CCDC88C: variants seen among roughly 807,000 people sequenced by gnomAD.
The protein encoded by CCDC88C is protein Daple.
Under a neutral mutation model 198.8 loss-of-function variants are expected in CCDC88C, and 131 were observed. The observed-to-expected ratio is 0.66, with a 90% CI of 0.57 to 0.76. The LOEUF (loss-of-function observed/expected upper bound fraction) is 0.76. Among genes scored for constraint, CCDC88C ranks in the 30% least tolerant of loss-of-function variants. CCDC88C has a pLI of 0.00. For synonymous variants in CCDC88C, 1,166 were observed against 1,114.7 expected, an observed-to-expected ratio of 1.05 and a Z score of -0.92; for missense variants, 2,553 against 2,631.6, an observed-to-expected ratio of 0.97 and a Z score of 0.65.
At position 91,284,951 on chromosome 14, in the gene CCDC88C, G is replaced by A. The variant is rs1890341558; in HGVS notation, c.4442-1434C>T. On this transcript the variant is annotated intron_variant, in intron 25 of 29. Transcript: ENST00000389857. The surrounding 1 kb of genome is among the most constrained non-coding windows in gnomAD (Gnocchi z 4.1). Reference sequence around the variant, plus strand: ...TCCATAGGTAATGGCCTAGCTGGCCGGCTGGCATTTTCCCTTGCTCGAGGC... The same window carrying A: ...TCCATAGGTAATGGCCTAGCTGGCCAGCTGGCATTTTCCCTTGCTCGAGGC... Among the ~76,000 whole-genome samples the A allele has an allele frequency of 1.3e-5, 2 of 152,276 alleles. No individual in the cohort carries two copies. The highest frequency in any genetic ancestry group is 1.9e-4 in the East Asian group (1 of 5,184).
intron 3 of CCDC88C, among the ~76,000 whole-genome samples, chr14:91,370,142 G>A (rs1894725279): frequency 6.6e-6 from 1 of 152,200 alleles, no homozygotes; most frequent in Non-Finnish European, 1.5e-5. Flanking sequence ...TCCTGCCTCT[G>A]CCTGTAACCT....
rs563863603 is a variant in CCDC88C at position 91,338,743 on chromosome 14, T to A, written c.810-173A>T. 1.1e-3 allele frequency: 667 copies of A among 599,994 alleles called. 9 individuals are homozygous for A. The highest frequency in any genetic ancestry group is 6.0e-3 in the South Asian group (300 of 50,262). 37.2% of individuals were successfully genotyped at this position (599,994 alleles called of 1,614,324 possible). ...AAAAATGTTACTGACTCAAAATTCT[T>A]TTCTTTTCATAAGTTTGCAACACCG... On this transcript the variant is annotated intron_variant, in intron 8 of 29. Coordinates refer to ENST00000389857, the MANE Select transcript of CCDC88C (RefSeq NM_001080414.4). This position sits in a 1 kb window ranked among gnomAD's most constrained non-coding sequence, Gnocchi z 4.8.
chr14:91,327,902 A>C (rs1892645085), intron 10 of CCDC88C, among the ~76,000 whole-genome samples: 1 of 152,140 alleles, frequency 6.6e-6, no homozygotes, highest in African/African-American at 2.4e-5. Flanking sequence ...ACCCAGCTGG[A>C]GTTGTCCCCT....
At chr14:91,335,733 T>A (rs548603903) in intron 10 of CCDC88C, among the ~76,000 whole-genome samples, 70 of 152,236 alleles carry the variant, frequency 4.6e-4, no homozygotes, top group East Asian at 2.3e-3. Flanking sequence ...TCACTCACAA[T>A]CGGAAAGGTT....
intron 2 of CCDC88C, 37 bp downstream of exon 2, chr14:91,416,701 A>C: frequency 2.1e-6 from 3 of 1,453,558 alleles, no homozygotes; most frequent in South Asian, 1.2e-5. Context: ...TTTCTAACGC[A>C]CCATTCTTTC....
intron 3 of CCDC88C, among the ~76,000 whole-genome samples, chr14:91,391,028 G>A (rs1209809517): frequency 2.0e-5 from 3 of 152,178 alleles, no homozygotes; most frequent in Non-Finnish European, 4.4e-5. Context: ...AAATGGGAAG[G>A]AAGTAAGGAT....
At chr14:91,412,535 T>G (rs905805126) in intron 2 of CCDC88C, among the ~76,000 whole-genome samples, 6 of 152,156 alleles carry the variant, frequency 3.9e-5, no homozygotes, top group Non-Finnish European at 8.8e-5. Flanking sequence ...CCCGGGTTCA[T>G]GCCATTCTCC....
At chr14:91,299,453 C>A (rs1311025601) in intron 21 of CCDC88C, among the ~76,000 whole-genome samples, 1 of 152,238 alleles carries the variant, frequency 6.6e-6, no homozygotes, top group East Asian at 1.9e-4. Flanking sequence ...GTGCCCTCAG[C>A]TGGGAAGGTG....
chr14:91,282,162 T>C (rs1430228999), intron 26 of CCDC88C, among the ~76,000 whole-genome samples: 1 of 152,184 alleles, frequency 6.6e-6, no homozygotes, highest in Non-Finnish European at 1.5e-5. Flanking sequence ...ATTTTGGAGA[T>C]GGTGACATGC....
At chr14:91,341,716 G>A (rs572218782) in intron 6 of CCDC88C, among the ~76,000 whole-genome samples, 4 of 152,180 alleles carry the variant, frequency 2.6e-5, no homozygotes, top group South Asian at 2.1e-4. Context: ...CCTGGATACC[G>A]CCCCCTAGGG....
intron 20 of CCDC88C, among the ~76,000 whole-genome samples, chr14:91,300,743 C>T (rs990474943): frequency 1.3e-5 from 2 of 152,188 alleles, no homozygotes; most frequent in Admixed American, 1.3e-4. Context: ...CTATCTTTGT[C>T]GGCTGCACTG....
intron 3 of CCDC88C, among the ~76,000 whole-genome samples, chr14:91,380,072 G>T (rs1260885978): frequency 3.9e-5 from 6 of 152,026 alleles, no homozygotes; most frequent in Non-Finnish European, 8.8e-5. Flanking sequence ...CCGGAGCAGG[G>T]TCCTGAGACA....
Position 91,417,623 on chromosome 14 carries a change from G to C in CCDC88C, c.60+8C>G, listed in dbSNP as rs3742654. 7 of 1,583,600 alleles carry C rather than the reference G, an allele frequency of 4.4e-6. No individual in the cohort carries two copies. The highest frequency in any genetic ancestry group is 5.1e-6 in the Non-Finnish European group (6 of 1,167,206). ...CCAACAAAGGGGCGGGGAGCCAGGC[G>C]CACTCACCCAGGTCACCAGCGGGCT... On this transcript the variant is annotated splice_region_variant and intron_variant, in intron 1 of 29. Coordinates refer to ENST00000389857, the MANE Select transcript of CCDC88C (RefSeq NM_001080414.4).
Position 91,277,885 on chromosome 14 carries a change from AAG to A in CCDC88C, c.5058+35_5058+36del, listed in dbSNP as rs1410391357. The stretch of plus-strand genomic sequence containing the variant: ...TTGAGCCAGGAAGAGACAGAGAGGG[AAG>A]AGAGACGGGCCAAGTCCGTGTCCGG... On this transcript the variant is annotated intron_variant, in intron 29 of 29. Coordinates refer to ENST00000389857, the MANE Select transcript of CCDC88C (RefSeq NM_001080414.4). 4 of 1,458,164 alleles carry A rather than the reference AAG, an allele frequency of 2.7e-6. No homozygotes were observed. The African/African-American group carries it at 5.7e-5, about 21-fold the overall frequency. 90.3% of individuals were successfully genotyped at this position (1,458,164 alleles called of 1,614,324 possible). A position where few individuals can be genotyped will look rare whatever the true frequency, so the allele number is the denominator to read the frequency against.
intron 4 of CCDC88C, among the ~76,000 whole-genome samples, chr14:91,358,308 G>A (rs1894136409): frequency 6.6e-6 from 1 of 152,054 alleles, no homozygotes; most frequent in African/African-American, 2.4e-5. Context: ...GCCAACAGAG[G>A]AAGCCCGAGT....
At chr14:91,303,140 A>G (rs556626687) in intron 20 of CCDC88C, among the ~76,000 whole-genome samples, 1 of 152,260 alleles carries the variant, frequency 6.6e-6, no homozygotes, top group East Asian at 1.9e-4. Flanking sequence ...TCCTCCGCGC[A>G]GCCTGACAGA....
intron 19 of CCDC88C, among the ~76,000 whole-genome samples, chr14:91,304,734 AG>A (rs1891485638): frequency 6.6e-6 from 1 of 152,258 alleles, no homozygotes; most frequent in African/African-American, 2.4e-5. Context: ...CAAAATCATC[AG>A]AAAACTGAAG....
chr14:91,320,536 G>C (rs568375623), intron 13 of CCDC88C, among the ~76,000 whole-genome samples: 66 of 152,340 alleles, frequency 4.3e-4, no homozygotes, highest in Admixed American at 3.7e-3. Flanking sequence ...GCCCACGAAG[G>C]GGGTGGTGGG....
chr14:91,370,716 C>T (rs1387801414), intron 3 of CCDC88C, among the ~76,000 whole-genome samples: 1 of 151,892 alleles, frequency 6.6e-6, no homozygotes, highest in Non-Finnish European at 1.5e-5. Flanking sequence ...ACCACAGGTG[C>T]GGATGGTGGG....
Sources: gnomAD v4.1 joint callset for allele counts (sites outside exome capture counted in the v4.1 genomes callset) on GRCh38, gnomAD v4.1.1 for gene constraint, Gnocchi (gnomAD v3.1) non-coding constraint, MANE v1.5 for transcripts, NCBI Gene and HGNC (gene_info 2026-07-23, HGNC 2026-07-21) for gene names.